Variants in GC observed in about 807,000 individuals in gnomAD.
The protein encoded by GC is vitamin D-binding protein.
Under a neutral mutation model 56.7 loss-of-function variants are expected in GC, and 43 were observed. That is an observed-to-expected ratio of 0.76 (90% CI 0.59 to 0.98). GC has a LOEUF of 0.98. Among genes scored for constraint, GC ranks in the 50% least tolerant of loss-of-function variants. GC has a pLI of 0.00. For synonymous variants in GC, 216 were observed against 202.7 expected, an observed-to-expected ratio of 1.07 and a Z score of -0.56; for missense variants, 529 against 545.9, an observed-to-expected ratio of 0.97 and a Z score of 0.31.
At chr4:71,766,020 T>A (rs1030861147) in intron 3 of GC, among the ~76,000 whole-genome samples, 5 of 152,134 alleles carry the variant, frequency 3.3e-5, no homozygotes, top group African/African-American at 1.2e-4. Flanking sequence ...TCTGTCATTA[T>A]CTCCCATCTG....
At chr4:71,769,221 A>C (rs1742269247) in intron 2 of GC, 110 bp downstream of exon 2, 1 of 769,268 alleles carries the variant, frequency 1.3e-6, no homozygotes, top group Admixed American at 2.3e-5. Flanking sequence ...CTGTCCTCTT[A>C]CTCTTGGCAA....
chr4:71,746,338 T>C (rs577193741), intron 11 of GC, 133 bp from the exon 12 acceptor site: 3 of 533,444 alleles, frequency 5.6e-6, no homozygotes, highest in South Asian at 2.9e-5. Context: ...CAATGTTACA[T>C]TGCAGTTTTT....
chr4:71,768,500 G>T (rs556138631), intron 2 of GC, 67 bp from the exon 3 acceptor site: 33 of 1,402,820 alleles, frequency 2.4e-5, no homozygotes, highest in African/African-American at 5.8e-5. Flanking sequence ...ACGGAGTCTC[G>T]CTCTGTTACC....
At chr4:71,800,821 C>G (rs976425486) in intron 1 of GC, among the ~76,000 whole-genome samples, 2 of 152,142 alleles carry the variant, frequency 1.3e-5, no homozygotes, top group African/African-American at 2.4e-5. Context: ...TTGCATTTCT[C>G]TAATGATCAG....
chr4:71,746,781 A>AAAC (rs1163431823), intron 11 of GC, among the ~76,000 whole-genome samples: 10 of 151,240 alleles, frequency 6.6e-5, no homozygotes, highest in African/African-American at 2.2e-4. Context: ...GTAAAAAAAA[A>AAAC]AAAAAAAAAA....
At chr4:71,775,641 A>C (rs1275566618) in intron 1 of GC, among the ~76,000 whole-genome samples, 3 of 152,026 alleles carry the variant, frequency 2.0e-5, no homozygotes, top group African/African-American at 7.2e-5. Context: ...ACAAAAGCAA[A>C]AAATAGACAA....
intron 1 of GC, among the ~76,000 whole-genome samples, chr4:71,792,718 G>A (rs993050791): frequency 1.3e-5 from 2 of 152,116 alleles, no homozygotes; most frequent in Admixed American, 1.3e-4. Context: ...TGGTGTTTTA[G>A]TCATAAAGTC....
At chr4:71,757,237 G>A (rs920069014) in intron 7 of GC, among the ~76,000 whole-genome samples, 1 of 152,090 alleles carries the variant, frequency 6.6e-6, no homozygotes, top group Non-Finnish European at 1.5e-5. Context: ...TAGAGGATTA[G>A]TAAAATAAAA....
intron 1 of GC, among the ~76,000 whole-genome samples, chr4:71,776,761 A>G (rs761174627): frequency 2.6e-5 from 4 of 152,088 alleles, no homozygotes; most frequent in Non-Finnish European, 4.4e-5. Flanking sequence ...AAATGTATAT[A>G]ATTATAATTT....
intron 6 of GC, among the ~76,000 whole-genome samples, chr4:71,760,039 T>G (rs1013363453): frequency 2.3e-5 from 3 of 129,020 alleles, no homozygotes; most frequent in African/African-American, 8.1e-5. Flanking sequence ...TTAAAGAAAC[T>G]AGTTTTTTTT....
intron 11 of GC, among the ~76,000 whole-genome samples, chr4:71,750,223 C>A (rs1295640094): frequency 6.6e-6 from 1 of 152,092 alleles, no homozygotes; most frequent in Non-Finnish European, 1.5e-5. Flanking sequence ...ATAGAGAAAG[C>A]CAGGGTGATT....
rs113021845 is a variant in GC at position 71,752,341 on chromosome 4, A to G, written c.1395+177T>C. ...TACCTCAACTTGCTTTTAAATGAGC[A>G]TAGCATGAAATCAGTTATGTTTCTT... On this transcript the variant is annotated intron_variant, in intron 11 of 12. Coordinates refer to ENST00000273951, the MANE Select transcript of GC (RefSeq NM_000583.4). Among the ~76,000 whole-genome samples, 1,181 of 152,340 alleles carry G rather than the reference A, an allele frequency of 7.8e-3. 22 individuals are homozygous for G. The highest frequency in any genetic ancestry group is 0.027 in the African/African-American group (1,129 of 41,580).
At chr4:71,744,292 A>G (rs1454136185) in intron 12 of GC, among the ~76,000 whole-genome samples, 1 of 150,408 alleles carries the variant, frequency 6.6e-6, no homozygotes, top group Non-Finnish European at 1.5e-5. Context: ...AATACAAAAA[A>G]AAAAAAAAAA....
chr4:71,787,849 A>G (rs571879679), upstream of GC, among the ~76,000 whole-genome samples: 45 of 151,998 alleles, frequency 3.0e-4, no homozygotes, highest in South Asian at 9.1e-3. Context: ...ATTAATGCCA[A>G]TATCCAAAAT....
chr4:71,764,157 T>C (rs112122968), intron 4 of GC, among the ~76,000 whole-genome samples: 2 of 152,110 alleles, frequency 1.3e-5, no homozygotes, highest in South Asian at 4.1e-4. Context: ...AATTTTTTAA[T>C]TTCTTGTATA....
intron 1 of GC, among the ~76,000 whole-genome samples, chr4:71,777,838 A>G (rs948879353): frequency 6.6e-6 from 1 of 151,542 alleles, no homozygotes; most frequent in African/African-American, 2.4e-5. Context: ...TCGAACAGTG[A>G]GAACACATGG....
chr4:71,790,935 G>T (rs552172371), intron 1 of GC, among the ~76,000 whole-genome samples: 109 of 151,688 alleles, frequency 7.2e-4, no homozygotes, highest in African/African-American at 2.5e-3. Context: ...CCCCACAACA[G>T]TCCCCAGAGT....
At chr4:71,782,275 C>T (rs1383403395) in intron 1 of GC, among the ~76,000 whole-genome samples, 2 of 151,704 alleles carry the variant, frequency 1.3e-5, no homozygotes, top group Non-Finnish European at 2.9e-5. Context: ...CTCAGAACTC[C>T]CTTAATCTGT....
At chr4:71,746,503 G>A (rs895345691) in intron 11 of GC, among the ~76,000 whole-genome samples, 54 of 152,082 alleles carry the variant, frequency 3.6e-4, no homozygotes, top group African/African-American at 1.1e-3. Flanking sequence ...CAACAGAGAA[G>A]TTTGAGTGCC....
Sources: gnomAD v4.1 joint callset for allele counts (sites outside exome capture counted in the v4.1 genomes callset) on GRCh38, gnomAD v4.1.1 for gene constraint, MANE v1.5 for transcripts, NCBI Gene and HGNC (gene_info 2026-07-23, HGNC 2026-07-21) for gene names.